MTA3: variants seen among roughly 807,000 people sequenced by gnomAD.
MTA3 encodes metastasis associated 1 family member 3, also known as metastasis-associated protein MTA3.
In MTA3, 34 loss-of-function variants were observed where a neutral mutation model predicts 83.5. That is an observed-to-expected ratio of 0.41 (90% CI 0.31 to 0.54). The LOEUF is 0.54. Ranked by LOEUF, MTA3 falls within the 20% of genes least tolerant of loss-of-function variation. MTA3 has a pLI of 0.33. For missense variants in MTA3, 761 were observed against 726.4 expected, an observed-to-expected ratio of 1.05 and a Z score of -0.55; for synonymous variants, 303 against 252.7, an observed-to-expected ratio of 1.20 and a Z score of -1.89.
chr2:42,544,713 C>T (rs1200585201), intron 2 of MTA3, among the ~76,000 whole-genome samples: 1 of 151,866 alleles, frequency 6.6e-6, no homozygotes, highest in Non-Finnish European at 1.5e-5. Context: ...AGTGATATTC[C>T]TTGCTACTTT....
chr2:42,724,579 G>T (rs1173594626), intron 16 of MTA3, among the ~76,000 whole-genome samples: 1 of 150,682 alleles, frequency 6.6e-6, no homozygotes, highest in African/African-American at 2.4e-5. Flanking sequence ...AGGAGGTCGA[G>T]GCTGCAGTGA....
At chr2:42,675,130 A>G (rs534516787) in intron 8 of MTA3, among the ~76,000 whole-genome samples, 51 of 150,758 alleles carry the variant, frequency 3.4e-4, no homozygotes, top group African/African-American at 1.2e-3. Flanking sequence ...TTCCTTTTCT[A>G]TTTCTTTTCT....
At chr2:42,531,471 G>C (rs1233918882) in intron 2 of MTA3, among the ~76,000 whole-genome samples, 1 of 11,142 alleles carries the variant, frequency 9.0e-5, no homozygotes, top group African/African-American at 2.9e-4. Flanking sequence ...TTTTTTTTTT[G>C]AGAAGGACTC....
Position 42,754,376 on chromosome 2 carries a change from C to G in MTA3, c.*977C>G, listed in dbSNP as rs1409068197. The G allele has an allele frequency of 1.0e-6, 1 of 985,380 alleles. No homozygotes were observed. The highest frequency in any genetic ancestry group is 6.1e-5 in the Admixed American group (1 of 16,262). 61.0% of individuals were successfully genotyped at this position (985,380 alleles called of 1,614,324 possible). A position where few individuals can be genotyped will look rare whatever the true frequency, so the allele number is the denominator to read the frequency against. ...AGTCTGTGTGGCCAACCCCATGACC[C>G]CCACCCCTCCAGCCCAACATCTTGT... On this transcript the variant is annotated 3_prime_UTR_variant, in exon 17 of 17. Coordinates refer to ENST00000405094, the MANE Select transcript of MTA3 (RefSeq NM_001330442.2).
At chr2:42,527,271 G>T (rs1329982025) in intron 2 of MTA3, among the ~76,000 whole-genome samples, 2 of 152,050 alleles carry the variant, frequency 1.3e-5, no homozygotes, top group African/African-American at 4.8e-5. Flanking sequence ...ACACTCAGCT[G>T]CATCACCCAA....
At chr2:42,523,113 A>G (rs1675499381) in intron 2 of MTA3, among the ~76,000 whole-genome samples, 1 of 152,126 alleles carries the variant, frequency 6.6e-6, no homozygotes, top group East Asian at 1.9e-4. Context: ...CCCAGCCCAA[A>G]GATGAACTTT....
At chr2:42,591,215 T>C (rs943477018) in intron 3 of MTA3, among the ~76,000 whole-genome samples, 1 of 152,170 alleles carries the variant, frequency 6.6e-6, no homozygotes, top group Non-Finnish European at 1.5e-5. Flanking sequence ...TATGCAGGTG[T>C]TACCCAATTT....
intron 2 of MTA3, among the ~76,000 whole-genome samples, chr2:42,497,562 G>A (rs958588907): frequency 1.7e-4 from 26 of 151,468 alleles, no homozygotes; most frequent in African/African-American, 5.3e-4. Context: ...TTGAGCCTGG[G>A]TGATGGAGCG....
chr2:42,695,878 A>G, intron 10 of MTA3, 39 bp downstream of exon 10: 1 of 1,280,278 alleles, frequency 7.8e-7, no homozygotes, highest in Non-Finnish European at 1.1e-6. Flanking sequence ...GGTTGCATTT[A>G]AGTGAACTTT....
intron 9 of MTA3, among the ~76,000 whole-genome samples, chr2:42,682,933 G>T (rs983778805): frequency 1.3e-5 from 2 of 152,126 alleles, no homozygotes; most frequent in African/African-American, 4.8e-5. Context: ...CTCGCTGGGC[G>T]TGGTGGCACG....
intron 4 of MTA3, among the ~76,000 whole-genome samples, chr2:42,615,313 G>C (rs1684726005): frequency 6.6e-6 from 1 of 150,476 alleles, no homozygotes; most frequent in Non-Finnish European, 1.5e-5. Flanking sequence ...TAGCCATTCA[G>C]GATTTGAACC....
intron 14 of MTA3, among the ~76,000 whole-genome samples, chr2:42,716,132 G>C (rs1667011938): frequency 6.6e-6 from 1 of 152,054 alleles, no homozygotes; most frequent in Admixed American, 6.5e-5. Flanking sequence ...TCAACAATAG[G>C]TGAAAAGCTT....
At chr2:42,529,094 G>A (rs1675844905) in intron 2 of MTA3, among the ~76,000 whole-genome samples, 1 of 152,128 alleles carries the variant, frequency 6.6e-6, no homozygotes, top group Non-Finnish European at 1.5e-5. Flanking sequence ...GGCAGCTTTA[G>A]GCTAAACTTA....
chr2:42,606,276 G>C (rs1250850348), intron 3 of MTA3, among the ~76,000 whole-genome samples: 1 of 149,278 alleles, frequency 6.7e-6, no homozygotes, highest in Non-Finnish European at 1.5e-5. Flanking sequence ...GGTGGCTGCC[G>C]GGCGGAGACG....
At chr2:42,657,116 A>G (rs1362961801) in intron 7 of MTA3, among the ~76,000 whole-genome samples, 1 of 152,236 alleles carries the variant, frequency 6.6e-6, no homozygotes, top group Non-Finnish European at 1.5e-5. Context: ...CAAATTTATA[A>G]TATTTATTTT....
intron 4 of MTA3, chr2:42,613,673 A>G (rs748570370): frequency 6.6e-6 from 1 of 152,236 alleles, no homozygotes; most frequent in Non-Finnish European, 1.5e-5. Context: ...GCTCTTTGGA[A>G]CATAGAAGAA....
chr2:42,564,068 G>C (rs1407218552), upstream of MTA3, among the ~76,000 whole-genome samples: 3 of 149,254 alleles, frequency 2.0e-5, no homozygotes, highest in African/African-American at 7.4e-5. Context: ...CAGGTGATCC[G>C]CCTTTGCCTC....
intron 9 of MTA3, among the ~76,000 whole-genome samples, chr2:42,685,979 T>G (rs550967625): frequency 6.6e-6 from 1 of 152,196 alleles, no homozygotes; most frequent in Non-Finnish European, 1.5e-5. Context: ...ACATGAAGTT[T>G]TAAGAAGTGT....
At position 42,524,310 on chromosome 2, in the gene MTA3, T is replaced by A. The variant is rs111979771; in HGVS notation, c.-141+29056T>A. ...GGTTGCAACCATTATTATTATTTTT[T>A]TTTTTTTTTAAATGGAGTCTCACCC... On this transcript the variant is annotated intron_variant, in intron 2 of 17. Coordinates refer to the MTA3 transcript ENST00000405592. Among the ~76,000 whole-genome samples, 981 of 151,788 alleles carry A rather than the reference T, an allele frequency of 6.5e-3. 5 individuals are homozygous for A. Among genetic ancestry groups the A allele is most frequent in the Middle Eastern group, 0.017 (5 of 294 alleles).
Sources: allele counts gnomAD v4.1 joint callset (sites outside exome capture counted in the v4.1 genomes callset), GRCh38; gene constraint gnomAD v4.1.1; transcripts MANE v1.5; gene names NCBI Gene and HGNC (gene_info 2026-07-23, HGNC 2026-07-21).